The following TMPRSS15 variants were observed in gnomAD, a reference collection of about 807,000 sequenced individuals.
TMPRSS15 encodes enteropeptidase.
TMPRSS15 carries 128 observed loss-of-function variants against 125.3 expected under a neutral mutation model. The ratio of observed to expected loss-of-function variants is 1.02; its 90% CI spans 0.89 to 1.18. The LOEUF (loss-of-function observed/expected upper bound fraction) is 1.18, where lower values mean the gene tolerates loss of function less well. TMPRSS15 is among the 50% of genes most tolerant of loss of function. The pLI is 0.00. For missense variants in TMPRSS15, 1,283 were observed against 1,212.7 expected (o/e 1.06, Z -0.86); for synonymous variants, 446 against 423.2 (o/e 1.05, Z -0.66).
intron 3 of TMPRSS15, among the ~76,000 whole-genome samples, chr21:18,396,643 G>A (rs540985507): frequency 1.2e-4 from 18 of 151,554 alleles, no homozygotes; most frequent in Middle Eastern, 6.8e-3. Flanking sequence ...GTATGGTGGC[G>A]GGCACCTGTA....
In TMPRSS15 at chr21:18,458,997, C is replaced by A. The variant is rs144002863; in HGVS notation, c.10+26802G>T. 7.9e-5 allele frequency among the ~76,000 whole-genome samples: 12 copies of A among 152,152 alleles called. No homozygotes were observed. In the East Asian group the frequency reaches 2.3e-3, roughly 29 times the overall value. On this transcript the variant is annotated intron_variant, in intron 1 of 7. Transcript: ENST00000422787. ...TAGTAAAGATACTCTCGTTAGCTTT[C>A]TTCTAGGACCTTCATAGTCTAGCAT...
rs112954536 is a variant in TMPRSS15 at position 18,360,021 on chromosome 21, T to C, written c.774-158A>G. 9.3e-3 allele frequency among the ~76,000 whole-genome samples: 1,411 copies of C among 152,200 alleles called. 10 individuals carry two copies. The highest frequency in any genetic ancestry group is 0.031 in the Middle Eastern group (9 of 294). On this transcript the variant is annotated intron_variant, in intron 7 of 24. Transcript: ENST00000284885. ...GTGTACAGTGCAGTATTGCCGGTTA[T>C]GAACACAATGATGTACAGCAGATCT...
intron 15 of TMPRSS15, among the ~76,000 whole-genome samples, chr21:18,328,620 G>T (rs2075315458): frequency 6.6e-6 from 1 of 152,106 alleles, no homozygotes; most frequent in Admixed American, 6.6e-5. Context: ...GTTACAAGTG[G>T]CTGGAAAGGC....
intron 10 of TMPRSS15, among the ~76,000 whole-genome samples, chr21:18,345,811 A>C (rs908626352): frequency 2.7e-5 from 4 of 150,894 alleles, no homozygotes; most frequent in Middle Eastern, 3.5e-3. Context: ...CTATTCAGAA[A>C]AATTTCTAAT....
chr21:18,482,228 C>T (rs565793478), intron 1 of TMPRSS15, among the ~76,000 whole-genome samples: 1 of 151,296 alleles, frequency 6.6e-6, no homozygotes, highest in Non-Finnish European at 1.5e-5. Context: ...AATATGAACA[C>T]CAATTTTGAT....
At chr21:18,312,826 C>T in intron 18 of TMPRSS15, 119 bp downstream of exon 18, 2 of 1,309,940 alleles carry the variant, frequency 1.5e-6, no homozygotes, top group Non-Finnish European at 2.1e-6. Flanking sequence ...CTCCCTTTTG[C>T]TAATGTGTAT....
At chr21:18,483,325 G>T (rs577792165) in intron 1 of TMPRSS15, among the ~76,000 whole-genome samples, 69 of 151,774 alleles carry the variant, frequency 4.5e-4, no homozygotes, top group African/African-American at 1.5e-3. Flanking sequence ...ACAGCAGTTC[G>T]CTTCTCTACA....
chr21:18,344,726 A>T (rs1315815133), intron 10 of TMPRSS15, among the ~76,000 whole-genome samples: 1 of 152,202 alleles, frequency 6.6e-6, no homozygotes, highest in Non-Finnish European at 1.5e-5. Context: ...AGTCATTTGA[A>T]GTTTGTGAAG....
At chr21:18,483,745 T>A (rs1036467557) in intron 1 of TMPRSS15, among the ~76,000 whole-genome samples, 1 of 151,924 alleles carries the variant, frequency 6.6e-6, no homozygotes, top group Non-Finnish European at 1.5e-5. Flanking sequence ...TTAAATATAT[T>A]TTTAAGGTAT....
chr21:18,296,692 C>T (rs962115065), intron 19 of TMPRSS15, among the ~76,000 whole-genome samples: 1 of 152,124 alleles, frequency 6.6e-6, no homozygotes, highest in Non-Finnish European at 1.5e-5. Context: ...GTTCAAACTG[C>T]TTCAGGATCT....
chr21:18,348,970 CAG>C (rs1282191343), intron 10 of TMPRSS15, among the ~76,000 whole-genome samples: 2 of 152,104 alleles, frequency 1.3e-5, no homozygotes, highest in Non-Finnish European at 2.9e-5. Flanking sequence ...CCTCACTTTC[CAG>C]ATAAGGGAAT....
intron 1 of TMPRSS15, among the ~76,000 whole-genome samples, chr21:18,454,271 T>G (rs1175450792): frequency 6.6e-6 from 1 of 152,168 alleles, no homozygotes; most frequent in East Asian, 1.9e-4. Flanking sequence ...TAATGTGATA[T>G]TCTTTTGTAC....
At chr21:18,407,697 T>C (rs1000860455), upstream of TMPRSS15, among the ~76,000 whole-genome samples, 1 of 152,110 alleles carries the variant, frequency 6.6e-6, no homozygotes, top group Non-Finnish European at 1.5e-5. Flanking sequence ...GCTTTTCTAT[T>C]GTGAAAAGTG....
chr21:18,316,116 T>C (rs1255404234), intron 16 of TMPRSS15, among the ~76,000 whole-genome samples: 16 of 152,164 alleles, frequency 1.1e-4, no homozygotes, highest in Admixed American at 1.0e-3. Flanking sequence ...CATCTACTTG[T>C]TTGCTCAGAA....
intron 5 of TMPRSS15, among the ~76,000 whole-genome samples, chr21:18,373,092 A>G (rs925267127): frequency 2.6e-5 from 4 of 152,226 alleles, no homozygotes; most frequent in Non-Finnish European, 5.9e-5. Context: ...TTAACTCATC[A>G]GCATTTTTTT....
chr21:18,424,526 CGTTT>C (rs1324019924), intron 1 of TMPRSS15, among the ~76,000 whole-genome samples: 1 of 152,072 alleles, frequency 6.6e-6, no homozygotes, highest in African/African-American at 2.4e-5. Context: ...GCTCATTAGT[CGTTT>C]GATTCATAAA....
At chr21:18,386,486 C>T (rs759828872) in intron 3 of TMPRSS15, among the ~76,000 whole-genome samples, 1 of 152,104 alleles carries the variant, frequency 6.6e-6, no homozygotes. Context: ...ATGAAAAAAA[C>T]AGCTGGTTGG....
At chr21:18,335,175 G>A (rs1275382841) in intron 13 of TMPRSS15, among the ~76,000 whole-genome samples, 1 of 152,146 alleles carries the variant, frequency 6.6e-6, no homozygotes, top group Non-Finnish European at 1.5e-5. Flanking sequence ...CAGTGAAGGA[G>A]GGAATGTCTA....
intron 1 of TMPRSS15, among the ~76,000 whole-genome samples, chr21:18,434,052 C>A (rs907210854): frequency 6.6e-6 from 1 of 152,100 alleles, no homozygotes; most frequent in Non-Finnish European, 1.5e-5. Context: ...TACTGCTCTG[C>A]GGTGCAAGAT....
Sources: allele counts gnomAD v4.1 joint callset (sites outside exome capture counted in the v4.1 genomes callset), GRCh38; gene constraint gnomAD v4.1.1; transcripts MANE v1.5; gene names NCBI Gene and HGNC (gene_info 2026-07-23, HGNC 2026-07-21).